SASH1: variants seen among roughly 807,000 people sequenced by gnomAD.
SASH1 encodes SAM and SH3 domain-containing protein 1.
SASH1 carries 44 observed loss-of-function variants against 125.2 expected under a neutral mutation model. The observed-to-expected ratio is 0.35, with a 90% confidence interval of 0.28 to 0.45. The LOEUF (loss-of-function observed/expected upper bound fraction) is 0.45. Ranked by LOEUF, SASH1 falls within the 20% of genes least tolerant of loss-of-function variation. The pLI, the probability that SASH1 is intolerant of heterozygous loss-of-function variation, is 1.00. For missense variants in SASH1, 1,426 were observed against 1,614.5 expected, an observed-to-expected ratio of 0.88 and a Z score of 2.00; for synonymous variants, 639 against 649.1, an observed-to-expected ratio of 0.98 and a Z score of 0.24.
intron 7 of SASH1, among the ~76,000 whole-genome samples, chr6:148,475,953 T>G (rs1778320431): frequency 6.6e-6 from 1 of 152,174 alleles, no homozygotes; most frequent in African/African-American, 2.4e-5. Flanking sequence ...AAAAGTTATG[T>G]GACAAAGATG....
chr6:148,197,678 T>G, the SASH1 span, among the ~76,000 whole-genome samples: 1 of 152,208 alleles, frequency 6.6e-6, no homozygotes, highest in Non-Finnish European at 1.5e-5. Context: ...AGGAAACATT[T>G]TTCCTCTTTC....
At chr6:148,264,176 CG>C in the SASH1 span, among the ~76,000 whole-genome samples, 1,979 of 52,390 alleles carry the variant, frequency 0.038, 123 homozygotes, top group African/African-American at 0.092. Context: ...TTATTTTGAC[CG>C]AAAAAAAAAA....
upstream of SASH1, among the ~76,000 whole-genome samples, chr6:148,271,032 C>T (rs1044712748): frequency 1.3e-5 from 2 of 151,942 alleles, no homozygotes; most frequent in African/African-American, 4.8e-5. Context: ...GTCTCAGCCT[C>T]CCAAGTAGCT....
rs1289611837 is a variant in SASH1, at chr6:148,370,822, C to CA, written c.157-19305dup. Among the ~76,000 whole-genome samples, 3 of 151,754 alleles carry CA rather than the reference C, an allele frequency of 2.0e-5. No individual in the cohort carries two copies. The East Asian group carries it at 5.8e-4, about 29-fold the overall frequency. On this transcript the variant is annotated intron_variant, in intron 1 of 19. Coordinates refer to ENST00000367467, the MANE Select transcript of SASH1 (RefSeq NM_015278.5). ...TGGGCAACTGAGTGAGACTCTGTCT[C>CA]AAAAAAACAAAAGACAAAACAAAAA...
rs1782362839 is a variant in SASH1, at chr6:148,543,698, G to A, written c.2228G>A (p.Ser743Asn). The change falls in exon 18 of 20, where the codon AGC becomes AAC. Residue 743 changes from serine to asparagine, a missense_variant. Physicochemically the swap from Ser to Asn is conservative, Grantham distance 46 (BLOSUM62 1). Around this residue, in one of 3 missense-constraint regions of SASH1, gnomAD observed 634 missense variants for 694.4 expected, o/e 0.91. Transcript: ENST00000367467. ...CTCACAGGCAAGACTCGGAAAGCTA[G>A]CCTCCTATCTGCCAAGTCATCCACC... is the stretch of plus-strand genomic sequence containing the variant. ...NLENGKTRKA[S>N]LLSAKSSTEP... 1 of 1,541,186 alleles carries A rather than the reference G, an allele frequency of 6.5e-7. No homozygotes were observed. The highest frequency in any genetic ancestry group is 8.7e-7 in the Non-Finnish European group (1 of 1,144,764).
At chr6:148,448,115 AGTGTGTGTGTGT>A (rs34309514) in intron 4 of SASH1, among the ~76,000 whole-genome samples, 4 of 146,814 alleles carry the variant, frequency 2.7e-5, no homozygotes, top group Admixed American at 2.7e-4. Flanking sequence ...CAGTGGAGAG[AGTGTGTGTGTGT>A]GTGTGTGTGT....
At chr6:148,290,422 G>C (rs1047025395) in intron 1 of SASH1, among the ~76,000 whole-genome samples, 1 of 151,156 alleles carries the variant, frequency 6.6e-6, no homozygotes, top group Non-Finnish European at 1.5e-5. Flanking sequence ...CTGGCTAACA[G>C]AGTGAAACCC....
At chr6:148,369,810 T>A in intron 1 of SASH1, among the ~76,000 whole-genome samples, 1 of 150,752 alleles carries the variant, frequency 6.6e-6, no homozygotes. Context: ...AAAAATTAGC[T>A]GGGTGTGGTG....
At chr6:148,366,005 C>T (rs1386553244) in intron 1 of SASH1, among the ~76,000 whole-genome samples, 6 of 151,890 alleles carry the variant, frequency 4.0e-5, no homozygotes, top group Non-Finnish European at 1.5e-5. Context: ...CCCAGCTACT[C>T]AGGAGGCTGA....
intron 16 of SASH1, among the ~76,000 whole-genome samples, chr6:148,536,776 T>TTTTGTA (rs1781872087): frequency 6.6e-6 from 1 of 152,210 alleles, no homozygotes. Context: ...GACCCATCAT[T>TTTTGTA]CCTCCTGGGA....
chr6:148,225,170 C>T, the SASH1 span, among the ~76,000 whole-genome samples: 1 of 152,236 alleles, frequency 6.6e-6, no homozygotes, highest in African/African-American at 2.4e-5. Context: ...GCAACTCCAT[C>T]ACTTCCTTCA....
chr6:148,514,478 A>G, intron 9 of SASH1, 22 bp downstream of exon 9: 10 of 1,410,930 alleles, frequency 7.1e-6, no homozygotes, highest in African/African-American at 1.5e-5. Context: ...AAAAAAAAAA[A>G]AAAAAAAAGG....
Position 148,549,420 on chromosome 6 carries a change from TGCGC to T in SASH1, c.*864_*867del, listed in dbSNP as rs1011426359. 1.8e-4 allele frequency: 69 copies of T among 392,246 alleles called. No homozygotes were observed. The highest frequency in any genetic ancestry group is 1.4e-3 in the African/African-American group (68 of 48,612). The allele number at this position is 392,246 out of a possible 1,614,324, so 24.3% of individuals were successfully genotyped here. A position where few individuals can be genotyped will look rare whatever the true frequency, so the allele number is the denominator to read the frequency against. The stretch of plus-strand genomic sequence containing the variant: ...AATATCATGTGTGTGCGTGCGTGCG[TGCGC>T]GTGTGTGTCTGTATTCATAGTGACT... On this transcript the variant is annotated 3_prime_UTR_variant, in exon 20 of 20. Transcript: ENST00000367467.
At chr6:148,365,122 C>CAA (rs370006068) in intron 1 of SASH1, among the ~76,000 whole-genome samples, 190 of 139,730 alleles carry the variant, frequency 1.4e-3, no homozygotes, top group Middle Eastern at 3.6e-3. Context: ...GACTCTGTCA[C>CAA]AAAAAAAAAA....
chr6:148,512,486 C>G, intron 8 of SASH1: 1 of 985,162 alleles, frequency 1.0e-6, no homozygotes, highest in Non-Finnish European at 1.2e-6. Context: ...TGCTTGTTAC[C>G]CAGAATGAGG....
rs537970050 is a variant in SASH1 at position 148,519,175 on chromosome 6, G to A, written c.863-372G>A. On this transcript the variant is annotated intron_variant, in intron 9 of 19. Coordinates refer to ENST00000367467, the MANE Select transcript of SASH1 (RefSeq NM_015278.5). The surrounding 1 kb of genome is among the most constrained non-coding windows in gnomAD (Gnocchi z 4.8). Reference sequence around the variant, plus strand: ...AACATAAAGGAGTGCCTTTCAGAAGGGGGAAAGATCCTGATTCCTAGTTTC... The same window carrying A: ...AACATAAAGGAGTGCCTTTCAGAAGAGGGAAAGATCCTGATTCCTAGTTTC... Among the ~76,000 whole-genome samples the A allele has an allele frequency of 6.6e-6, 1 of 152,302 alleles. No individual in the cohort carries two copies. Among genetic ancestry groups the A allele is most frequent in the African/African-American group, 2.4e-5 (1 of 41,572 alleles).
intron 12 of SASH1, among the ~76,000 whole-genome samples, 164 bp from the exon 13 acceptor site, chr6:148,531,362 G>T (rs564265489): frequency 6.6e-6 from 1 of 152,288 alleles, no homozygotes; most frequent in Admixed American, 6.5e-5. Flanking sequence ...GACTTTAAAA[G>T]TAAGCGAGGA....
chr6:148,444,553 T>C (rs1427009835), intron 4 of SASH1, among the ~76,000 whole-genome samples: 2 of 152,186 alleles, frequency 1.3e-5, no homozygotes, highest in African/African-American at 4.8e-5. Context: ...ATTATGAGTT[T>C]GGTGGGGTCC....
chr6:148,488,471 G>C (rs1354109866), intron 8 of SASH1, among the ~76,000 whole-genome samples: 1 of 152,208 alleles, frequency 6.6e-6, no homozygotes, highest in Admixed American at 6.5e-5. Context: ...AAGTATCTCT[G>C]AGTCTCTGCT....
Sources: allele counts gnomAD v4.1 joint callset (sites outside exome capture counted in the v4.1 genomes callset), GRCh38; gene constraint gnomAD v4.1.1; regional missense constraint gnomAD v4.1.1; non-coding constraint Gnocchi (gnomAD v3.1); transcripts MANE v1.5; gene names NCBI Gene and HGNC (gene_info 2026-07-23, HGNC 2026-07-21).